ARHGEF11: variants seen among roughly 807,000 people sequenced by gnomAD.
ARHGEF11 encodes Rho guanine nucleotide exchange factor 11.
ARHGEF11 carries 55 observed loss-of-function variants against 193.7 expected under a neutral mutation model. That is an observed-to-expected ratio of 0.28 (90% CI 0.23 to 0.36). ARHGEF11 has a LOEUF of 0.36. ARHGEF11 is among the 10% of genes least tolerant of loss of function. ARHGEF11 has a pLI of 1.00. For missense variants in ARHGEF11, 1,723 were observed against 2,005.6 expected (o/e 0.86, Z 2.69); for synonymous variants, 693 against 768.0 (o/e 0.90, Z 1.62).
At chr1:157,009,703 A>G (rs1668321437) in intron 1 of ARHGEF11, among the ~76,000 whole-genome samples, 1 of 152,240 alleles carries the variant, frequency 6.6e-6, no homozygotes, top group African/African-American at 2.4e-5. Context: ...ACACAGATTC[A>G]TGAGCTAGTC....
chr1:156,940,361 C>T lies in ARHGEF11; in HGVS notation c.3579G>A (p.Glu1193=), dbSNP rs2101817079. ...CCAGTTCCTCTTCCTCTGCACTGCCCTCCTGCTCAGGGTCCTCTAGCAGGA... is the reference window on the plus strand; with the variant it reads ...CCAGTTCCTCTTCCTCTGCACTGCCTTCCTGCTCAGGGTCCTCTAGCAGGA... ...HQVLLEDPEQ[E]GSAEEEELGV... Residue 1193 remains glutamate, a synonymous_variant, in exon 36 of 41, where the codon GAG becomes GAA. Coordinates refer to ENST00000368194, the MANE Select transcript of ARHGEF11 (RefSeq NM_198236.3). The T allele has an allele frequency of 6.2e-7, 1 of 1,613,778 alleles. No individual in the cohort carries two copies. Among genetic ancestry groups the T allele is most frequent in the Non-Finnish European group, 8.5e-7 (1 of 1,179,794 alleles).
intron 1 of ARHGEF11, among the ~76,000 whole-genome samples, chr1:156,987,319 C>T (rs1265850127): frequency 6.6e-6 from 1 of 152,132 alleles, no homozygotes; most frequent in Non-Finnish European, 1.5e-5. Context: ...TGACACAGAA[C>T]TCAGTCATAA....
At chr1:156,940,062 G>T in intron 36 of ARHGEF11, 145 bp downstream of exon 36, 1 of 1,415,820 alleles carries the variant, frequency 7.1e-7, no homozygotes, top group Non-Finnish European at 9.4e-7. Flanking sequence ...GGTTGGGTGG[G>T]GAATGACATC....
intron 5 of ARHGEF11, 44 bp from the exon 6 acceptor site, chr1:156,978,426 GGA>G (rs760901380): frequency 3.1e-5 from 47 of 1,537,386 alleles, no homozygotes; most frequent in Non-Finnish European, 4.0e-5. Flanking sequence ...GTGCTGTTCT[GGA>G]GAGACAGTCC....
intron 40 of ARHGEF11, chr1:156,936,343 G>A (rs1408644174): frequency 1.8e-5 from 10 of 552,962 alleles, no homozygotes; most frequent in East Asian, 1.7e-4. Context: ...TAATCAGCAC[G>A]AGTCTTAGGC....
chr1:157,021,799 A>T (rs1196243893), intron 1 of ARHGEF11, among the ~76,000 whole-genome samples: 1 of 152,224 alleles, frequency 6.6e-6, no homozygotes, highest in Non-Finnish European at 1.5e-5. Context: ...AAAAATCCTC[A>T]TCAAAATATC....
chr1:156,940,047 G>T, intron 36 of ARHGEF11, 137 bp from the exon 37 acceptor site: 1 of 1,442,734 alleles, frequency 6.9e-7, no homozygotes, highest in African/African-American at 1.4e-5. Context: ...CAACTAGCTG[G>T]TGGGGGTTGG....
At position 156,970,037 on chromosome 1, in the gene ARHGEF11, G is replaced by C. The variant is rs759573886; in HGVS notation, c.709C>G (p.Leu237Val). 1 of 1,613,984 alleles carries C rather than the reference G, an allele frequency of 6.2e-7. No individual in the cohort carries two copies. The highest frequency in any genetic ancestry group is 8.5e-7 in the Non-Finnish European group (1 of 1,179,864). ...QQETGGSVDI[L>V]PLYGDTSQRP... is the part of the protein sequence containing the mutation. ...TGGCTGGTGTCACCATATAGTGGAAGTATGTCCTGAAACAGAAAGGCCCAC... is the reference window on the plus strand; with the variant it reads ...TGGCTGGTGTCACCATATAGTGGAACTATGTCCTGAAACAGAAAGGCCCAC... The change falls in exon 9 of 41, where the codon CTT becomes GTT. Residue 237 changes from leucine to valine, a missense_variant. Physicochemically the swap from Leu to Val is conservative, Grantham distance 32 (BLOSUM62 1). Coordinates refer to ENST00000368194, the MANE Select transcript of ARHGEF11 (RefSeq NM_198236.3).
chr1:156,963,475 A>G, intron 12 of ARHGEF11, 45 bp downstream of exon 12: 2 of 1,595,708 alleles, frequency 1.3e-6, no homozygotes, highest in Non-Finnish European at 1.7e-6. Flanking sequence ...AGCAGCTTGT[A>G]TGACAAAAAA....
chr1:156,979,169 C>T (rs1320300369), intron 5 of ARHGEF11, 60 bp downstream of exon 5: 11 of 1,512,328 alleles, frequency 7.3e-6, no homozygotes, highest in African/African-American at 1.4e-5. Context: ...TTCCTCCCTC[C>T]TTTCCTCCCT....
intron 7 of ARHGEF11, among the ~76,000 whole-genome samples, chr1:156,974,883 C>G (rs1663047108): frequency 6.6e-6 from 1 of 152,142 alleles, no homozygotes; most frequent in African/African-American, 2.4e-5. Context: ...ATTGTATGAA[C>G]AGACTATATT....
upstream of ARHGEF11, among the ~76,000 whole-genome samples, chr1:157,046,079 GTCGCTC>G (rs1673297454): frequency 6.7e-6 from 1 of 149,898 alleles, no homozygotes; most frequent in Non-Finnish European, 1.5e-5. Context: ...ACCCTTTGCC[GTCGCTC>G]CTCGGCCGGT....
At chr1:156,938,778 C>T in intron 37 of ARHGEF11, 1 of 439,396 alleles carries the variant, frequency 2.3e-6, no homozygotes, top group Non-Finnish European at 4.0e-6. Context: ...ATGAAAAATG[C>T]TGCTGGAAGG....
At chr1:156,983,243 G>A (rs1218102573) in intron 3 of ARHGEF11, among the ~76,000 whole-genome samples, 1 of 151,406 alleles carries the variant, frequency 6.6e-6, no homozygotes, top group African/African-American at 2.4e-5. Flanking sequence ...TTGTTTTTGA[G>A]ACGGAGTCTC....
chr1:157,044,570 AG>A lies in ARHGEF11; in HGVS notation c.-241del, dbSNP rs1673144730. Reference sequence around the variant, plus strand: ...CCGCTTTAAAAAAAAAGAAAAGAAAAGAAAAAAGAAAAAAAAAGGAAAAGAG... The same window carrying A: ...CCGCTTTAAAAAAAAAGAAAAGAAAAAAAAAAGAAAAAAAAAGGAAAAGAG... On this transcript the variant is annotated 5_prime_UTR_variant, in exon 1 of 41. Transcript: ENST00000368194. 2.1e-6 allele frequency: 1 copy of A among 467,880 alleles called. No homozygotes were observed. Among genetic ancestry groups the A allele is most frequent in the Non-Finnish European group, 3.8e-6 (1 of 264,468 alleles). The allele number at this position is 467,880 out of a possible 1,614,324, so 29.0% of individuals were successfully genotyped here.
chr1:157,028,495 T>C (rs1670920170), intron 1 of ARHGEF11, among the ~76,000 whole-genome samples: 1 of 152,140 alleles, frequency 6.6e-6, no homozygotes, highest in Admixed American at 6.5e-5. Context: ...ATTACCAGAC[T>C]GGACTGCAAC....
At chr1:157,027,066 G>A (rs1170112991) in intron 1 of ARHGEF11, among the ~76,000 whole-genome samples, 2 of 152,296 alleles carry the variant, frequency 1.3e-5, no homozygotes, top group East Asian at 3.9e-4. Flanking sequence ...CTTTCAGGTA[G>A]CTGGTCAACA....
At position 156,941,877 on chromosome 1, in the gene ARHGEF11, G is replaced by T; in HGVS notation, c.3439C>A (p.Pro1147Thr). ...PGPREPAQQG[P>T]TPSRVELDDS... ...TAAGCACTGCACCTGCTGGGTGTGGGGCCCTGCTGGGCTGGCTCCCGGGGA... is the reference window on the plus strand; with the variant it reads ...TAAGCACTGCACCTGCTGGGTGTGGTGCCCTGCTGGGCTGGCTCCCGGGGA... Residue 1147 changes from proline to threonine, a missense_variant, in exon 34 of 41, where the codon CCC becomes ACC. Physicochemically the swap from Pro to Thr is conservative, Grantham distance 38. Around this residue, in one of 5 missense-constraint regions of ARHGEF11, gnomAD observed 203 missense variants for 237.3 expected, o/e 0.86. Coordinates refer to ENST00000368194, the MANE Select transcript of ARHGEF11 (RefSeq NM_198236.3). 1 of 1,610,828 alleles carries T rather than the reference G, an allele frequency of 6.2e-7. No homozygotes were observed.
At chr1:156,955,993 G>T (rs899475139) in intron 19 of ARHGEF11, among the ~76,000 whole-genome samples, 194 bp from the exon 20 acceptor site, 13 of 152,292 alleles carry the variant, frequency 8.5e-5, no homozygotes, top group African/African-American at 3.1e-4. Context: ...TAGTCTGGGG[G>T]TCCTCACTGA....
Sources: allele counts gnomAD v4.1 joint callset (sites outside exome capture counted in the v4.1 genomes callset), GRCh38; gene constraint gnomAD v4.1.1; regional missense constraint gnomAD v4.1.1; transcripts MANE v1.5; gene names NCBI Gene and HGNC (gene_info 2026-07-23, HGNC 2026-07-21).